Variants in NTRK3 observed in about 807,000 individuals in gnomAD.
NTRK3 encodes the protein neurotrophic receptor tyrosine kinase 3.
Under a neutral mutation model 91.7 loss-of-function variants are expected in NTRK3, and 24 were observed. The ratio of observed to expected loss-of-function variants is 0.26; its 90% CI spans 0.19 to 0.37. NTRK3 has a LOEUF of 0.37. Ranked by LOEUF, NTRK3 falls within the 10% of genes least tolerant of loss-of-function variation. The pLI is 1.00. For synonymous variants in NTRK3, 483 were observed against 404.0 expected, an observed-to-expected ratio of 1.20 and a Z score of -2.34; for missense variants, 880 against 1,068.9, an observed-to-expected ratio of 0.82 and a Z score of 2.46.
At chr15:88,005,502 A>G (rs929465674) in intron 14 of NTRK3, among the ~76,000 whole-genome samples, 1 of 152,108 alleles carries the variant, frequency 6.6e-6, no homozygotes, top group African/African-American at 2.4e-5. Flanking sequence ...TTCCTTTACA[A>G]AGCCACCTGA....
chr15:88,136,391 A>G, intron 8 of NTRK3, 76 bp downstream of exon 8: 1 of 1,600,092 alleles, frequency 6.2e-7, no homozygotes, highest in Non-Finnish European at 8.6e-7. Context: ...CAAGACCGCA[A>G]ATTTTCCCTC....
chr15:88,112,070 C>G (rs915859017), intron 13 of NTRK3, among the ~76,000 whole-genome samples: 17 of 152,074 alleles, frequency 1.1e-4, no homozygotes, highest in Admixed American at 6.6e-5. Flanking sequence ...CCACGCCCAG[C>G]TAATTTTTTG....
intron 6 of NTRK3, among the ~76,000 whole-genome samples, chr15:88,138,376 C>T (rs533581129): frequency 1.2e-4 from 18 of 152,282 alleles, no homozygotes; most frequent in African/African-American, 3.9e-4. Flanking sequence ...CACCACTGCA[C>T]TCCAGCCTGG....
chr15:87,893,637 GTTCTCAGGC>G (rs1353429487), intron 17 of NTRK3, among the ~76,000 whole-genome samples: 7 of 152,164 alleles, frequency 4.6e-5, no homozygotes, highest in Non-Finnish European at 7.3e-5. Flanking sequence ...GTTCTACAAG[GTTCTCAGGC>G]TTCCGCATCT....
intron 17 of NTRK3, among the ~76,000 whole-genome samples, chr15:87,926,296 T>A (rs1301681227): frequency 6.6e-6 from 1 of 152,202 alleles, no homozygotes; most frequent in Non-Finnish European, 1.5e-5. Flanking sequence ...TAGGACACTG[T>A]GAGTAAGTGA....
chr15:87,978,334 G>A (rs1041704641), intron 14 of NTRK3: 3 of 230,156 alleles, frequency 1.3e-5, no homozygotes, highest in Non-Finnish European at 1.7e-5. Flanking sequence ...TGCCATGAGA[G>A]GGGCTGGAGG....
chr15:88,038,667 T>C (rs745875105), intron 13 of NTRK3, among the ~76,000 whole-genome samples: 5 of 152,166 alleles, frequency 3.3e-5, no homozygotes, highest in Non-Finnish European at 7.3e-5. Context: ...CTGTACCTTT[T>C]ACTTGATTTT....
At chr15:88,200,418 G>A (rs774981860) in intron 3 of NTRK3, among the ~76,000 whole-genome samples, 6 of 152,172 alleles carry the variant, frequency 3.9e-5, no homozygotes, top group Non-Finnish European at 5.9e-5. Context: ...CCACTGATAT[G>A]GTTTGGCTGT....
intron 14 of NTRK3, among the ~76,000 whole-genome samples, chr15:87,980,244 G>C (rs2141356153): frequency 6.6e-6 from 1 of 152,344 alleles, no homozygotes; most frequent in East Asian, 1.9e-4. Context: ...ATCCTGAAAA[G>C]TGGGAGTTCC....
intron 18 of NTRK3, among the ~76,000 whole-genome samples, chr15:87,877,607 C>T (rs796204220): frequency 1.1e-4 from 16 of 151,824 alleles, no homozygotes; most frequent in South Asian, 6.2e-4. Context: ...CTGGCAGGCT[C>T]CCAGTTGCAG....
At chr15:88,010,250 C>G (rs540596028) in intron 14 of NTRK3, among the ~76,000 whole-genome samples, 2 of 152,330 alleles carry the variant, frequency 1.3e-5, no homozygotes, top group African/African-American at 4.8e-5. Flanking sequence ...TGTGAAAACT[C>G]TTTCCACCTT....
intron 13 of NTRK3, among the ~76,000 whole-genome samples, chr15:88,062,707 T>C (rs1477427000): frequency 6.6e-6 from 1 of 152,246 alleles, no homozygotes; most frequent in Non-Finnish European, 1.5e-5. Flanking sequence ...CAAAAAGCCA[T>C]TGTTATTTGG....
chr15:88,193,578 G>C (rs2047578621), intron 3 of NTRK3, among the ~76,000 whole-genome samples: 2 of 152,152 alleles, frequency 1.3e-5, no homozygotes, highest in Admixed American at 6.5e-5. Flanking sequence ...GCAAGGCCAG[G>C]AGGCTGTGGT....
rs141919321 is a variant in NTRK3 at position 88,012,767 on chromosome 15, A to G, written c.1585+20090T>C. Among the ~76,000 whole-genome samples the G allele has an allele frequency of 1.4e-3, 211 of 152,318 alleles. 2 individuals carry two copies. The highest frequency in any genetic ancestry group is 4.9e-3 in the African/African-American group (203 of 41,560). On this transcript the variant is annotated intron_variant, in intron 14 of 18. Coordinates refer to ENST00000394480, the Ensembl canonical transcript of NTRK3. ...TCGGGGGAAAAAGGAAACTACACCA[A>G]TATCTTATACTGTGCTTCTCATACT...
At chr15:88,119,496 G>A (rs1315417936) in intron 13 of NTRK3, among the ~76,000 whole-genome samples, 2 of 152,198 alleles carry the variant, frequency 1.3e-5, no homozygotes, top group Admixed American at 1.3e-4. Flanking sequence ...GAGAGGGAGG[G>A]CATGCAAACA....
intron 17 of NTRK3, among the ~76,000 whole-genome samples, chr15:87,890,026 A>G (rs1313197747): frequency 6.6e-6 from 1 of 151,078 alleles, no homozygotes; most frequent in African/African-American, 2.4e-5. Flanking sequence ...AAAATTTCTC[A>G]AAGTCTGTTT....
intron 17 of NTRK3, among the ~76,000 whole-genome samples, chr15:87,901,133 A>G (rs2066432976): frequency 6.6e-6 from 1 of 152,162 alleles, no homozygotes; most frequent in South Asian, 2.1e-4. Context: ...CCATAATCTG[A>G]GGCCTGCAGC....
intron 10 of NTRK3, among the ~76,000 whole-genome samples, chr15:88,132,448 C>T (rs1211680974): frequency 6.6e-6 from 1 of 152,188 alleles, no homozygotes. Flanking sequence ...ACTGGCCTTG[C>T]ACTAAGCCCC....
chr15:88,166,127 C>A (rs985688144), intron 5 of NTRK3, among the ~76,000 whole-genome samples: 9 of 152,174 alleles, frequency 5.9e-5, no homozygotes, highest in Non-Finnish European at 1.2e-4. Context: ...ACAGACCTGA[C>A]CCTGGGAGCT....
Sources: allele counts gnomAD v4.1 joint callset (sites outside exome capture counted in the v4.1 genomes callset), GRCh38; gene constraint gnomAD v4.1.1; transcripts MANE v1.5; gene names NCBI Gene and HGNC (gene_info 2026-07-23, HGNC 2026-07-21).